Variants in FAM13C observed in about 807,000 individuals in gnomAD.
FAM13C encodes protein FAM13C.
A neutral mutation model predicts 73.2 loss-of-function variants in FAM13C; 37 were observed. The observed-to-expected ratio is 0.51, with a 90% CI of 0.39 to 0.67. FAM13C has a LOEUF of 0.67. Ranked by LOEUF, FAM13C falls within the 30% of genes least tolerant of loss-of-function variation. The probability of loss-of-function intolerance (pLI) is 0.00; values close to 1 mark genes in which losing one functional copy is unlikely to be tolerated. For missense variants in FAM13C, 589 were observed against 715.6 expected (o/e 0.82, Z 2.02); for synonymous variants, 246 against 260.9 (o/e 0.94, Z 0.55).
intron 6 of FAM13C, among the ~76,000 whole-genome samples, chr10:59,278,644 T>G (rs1439042055): frequency 6.6e-6 from 1 of 152,126 alleles, no homozygotes; most frequent in East Asian, 1.9e-4. Context: ...TACTGCCAAA[T>G]GTCCTCGAGG....
At chr10:59,323,649 C>T (rs1850663864) in intron 4 of FAM13C, among the ~76,000 whole-genome samples, 1 of 152,148 alleles carries the variant, frequency 6.6e-6, no homozygotes, top group Non-Finnish European at 1.5e-5. Flanking sequence ...ACAAATTTAT[C>T]ACTATCACAA....
Position 59,262,565 on chromosome 10 carries a change from C to G in FAM13C, c.1105G>C (p.Val369Leu). Residue 369 changes from valine (V) to leucine (L), a missense_variant, in exon 10 of 14, where the codon GTC becomes CTC. By Grantham distance (32) the Val-to-Leu change is conservative. Transcript: ENST00000618804. ...TCCGGTTTCCCATTTTCTCTGGGGA[C>G]TGTGGGTTGCTCACACAACAGGTTT... ...PRNLLCEQPT[V>L]PRENGKPEAA... The G allele has an allele frequency of 6.2e-7, 1 of 1,613,794 alleles. No homozygotes were observed. Among genetic ancestry groups the G allele is most frequent in the Non-Finnish European group, 8.5e-7 (1 of 1,179,778 alleles).
intron 3 of FAM13C, among the ~76,000 whole-genome samples, chr10:59,334,126 A>G (rs1233131478): frequency 5.3e-5 from 8 of 152,230 alleles, no homozygotes; most frequent in Non-Finnish European, 1.2e-4. Flanking sequence ...GGAAAATAGT[A>G]TTGTATCAGA....
intron 6 of FAM13C, 40 bp downstream of exon 6, chr10:59,283,323 G>A: frequency 6.9e-6 from 11 of 1,597,176 alleles, no homozygotes; most frequent in Non-Finnish European, 9.4e-6. Flanking sequence ...GAACTACCTT[G>A]AGAGTACAAT....
In FAM13C at chr10:59,247,531, C is replaced by T. The variant is rs987627948; in HGVS notation, c.*83G>A. The T allele has an allele frequency of 1.0e-5, 16 of 1,573,092 alleles. 1 individual carries two copies. Among genetic ancestry groups the T allele is most frequent in the Non-Finnish European group, 1.4e-5 (16 of 1,153,098 alleles). On this transcript the variant is annotated 3_prime_UTR_variant, in exon 14 of 14. Transcript: ENST00000618804. ...TAAAGTGCTTCCATTTTCATTGTGT[C>T]AAAACTACTTAGCAAGGATGGCAGA...
intron 4 of FAM13C, among the ~76,000 whole-genome samples, chr10:59,321,443 T>C (rs1028220840): frequency 1.4e-5 from 2 of 147,448 alleles, no homozygotes; most frequent in African/African-American, 2.5e-5. Flanking sequence ...TTTTTTTTTT[T>C]TTTTTTTTTT....
intron 3 of FAM13C, among the ~76,000 whole-genome samples, chr10:59,328,792 C>T (rs541275459): frequency 6.6e-6 from 1 of 152,278 alleles, no homozygotes; most frequent in Admixed American, 6.5e-5. Flanking sequence ...TAATGCCTTG[C>T]ATTTATGAGA....
In FAM13C at chr10:59,265,998, T is replaced by C. The variant is rs1288148635; in HGVS notation, c.943-1832A>G. ...ATTAAAATTGACCTCCTAAGTGCCATTGTATGAGATTTGTGATCTGCCAAA... is the reference window on the plus strand; with the variant it reads ...ATTAAAATTGACCTCCTAAGTGCCACTGTATGAGATTTGTGATCTGCCAAA... On this transcript the variant is annotated intron_variant, in intron 8 of 13. Coordinates refer to ENST00000618804, the MANE Select transcript of FAM13C (RefSeq NM_198215.4). Among the ~76,000 whole-genome samples, 5 of 152,316 alleles carry C rather than the reference T, an allele frequency of 3.3e-5. No homozygotes were observed. The East Asian group carries it at 5.8e-4, about 18-fold the overall frequency.
At chr10:59,273,452 T>C (rs1843956650) in intron 6 of FAM13C, among the ~76,000 whole-genome samples, 1 of 152,188 alleles carries the variant, frequency 6.6e-6, no homozygotes, top group Non-Finnish European at 1.5e-5. Context: ...TCCCTCAACA[T>C]GTTGTCACTA....
chr10:59,350,553 T>A (rs1854904579), intron 3 of FAM13C, among the ~76,000 whole-genome samples: 1 of 152,174 alleles, frequency 6.6e-6, no homozygotes, highest in Non-Finnish European at 1.5e-5. Flanking sequence ...AGTAATAATC[T>A]CAAGCTTATC....
chr10:59,280,701 A>G (rs1349649146), intron 6 of FAM13C, among the ~76,000 whole-genome samples: 5 of 152,206 alleles, frequency 3.3e-5, no homozygotes, highest in Admixed American at 2.0e-4. Flanking sequence ...AGTATCTAGA[A>G]TACAGTGTCC....
At chr10:59,288,612 T>C (rs912528548) in intron 5 of FAM13C, among the ~76,000 whole-genome samples, 12 of 152,212 alleles carry the variant, frequency 7.9e-5, no homozygotes, top group African/African-American at 2.9e-4. Flanking sequence ...GCTGGTTTAT[T>C]CCTTCTTCAG....
At chr10:59,270,436 A>G (rs1751533171) in intron 6 of FAM13C, 1 of 204,092 alleles carries the variant, frequency 4.9e-6, no homozygotes, top group South Asian at 1.1e-4. Flanking sequence ...AAAATGTTAG[A>G]GCAATAAAAA....
intron 1 of FAM13C, among the ~76,000 whole-genome samples, chr10:59,361,495 T>C (rs576071836): frequency 6.6e-6 from 1 of 152,228 alleles, no homozygotes; most frequent in Admixed American, 6.5e-5. Flanking sequence ...AGGATACAAC[T>C]TTACACATGC....
At chr10:59,259,306 G>A (rs939072660) in intron 10 of FAM13C, among the ~76,000 whole-genome samples, 43 of 152,180 alleles carry the variant, frequency 2.8e-4, no homozygotes, top group African/African-American at 9.6e-4. Flanking sequence ...TAGAAAAGAC[G>A]TCATTCTTTA....
At chr10:59,283,591 TTCC>T in intron 5 of FAM13C, 144 bp from the exon 6 acceptor site, 1 of 778,504 alleles carries the variant, frequency 1.3e-6, no homozygotes, top group Non-Finnish European at 2.3e-6. Context: ...CGCAAGCACC[TTCC>T]TCCACTGCCT....
At chr10:59,275,198 G>A (rs1844189349) in intron 6 of FAM13C, among the ~76,000 whole-genome samples, 1 of 152,148 alleles carries the variant, frequency 6.6e-6, no homozygotes, top group South Asian at 2.1e-4. Context: ...CCTTCGATGT[G>A]GGCGGTACCT....
intron 4 of FAM13C, among the ~76,000 whole-genome samples, chr10:59,312,608 AC>A (rs1317116728): frequency 1.3e-5 from 2 of 152,144 alleles, no homozygotes; most frequent in Admixed American, 1.3e-4. Flanking sequence ...AAGGATCAAC[AC>A]CCAGGCTACC....
chr10:59,295,394 A>G (rs1216182839), intron 5 of FAM13C, among the ~76,000 whole-genome samples: 4 of 152,218 alleles, frequency 2.6e-5, no homozygotes, highest in African/African-American at 9.7e-5. Flanking sequence ...GCTGGCTCCA[A>G]GATAAAGGGT....
Sources: allele counts gnomAD v4.1 joint callset (sites outside exome capture counted in the v4.1 genomes callset), GRCh38; gene constraint gnomAD v4.1.1; transcripts MANE v1.5; gene names NCBI Gene and HGNC (gene_info 2026-07-23, HGNC 2026-07-21).